PPP1R3F: variants seen among roughly 807,000 people sequenced by gnomAD.
The protein encoded by PPP1R3F is protein phosphatase 1, regulatory (inhibitor) subunit 3F.
In PPP1R3F, 29 loss-of-function variants were observed where a neutral mutation model predicts 24.2. The observed-to-expected ratio is 1.20, with a 90% CI of 0.89 to 1.63. PPP1R3F has a LOEUF of 1.63. Ranked by LOEUF, PPP1R3F falls within the 40% of genes most tolerant of loss-of-function variation. The pLI is 0.00. For missense variants in PPP1R3F, 823 were observed against 729.3 expected (o/e 1.13, Z -1.48); for synonymous variants, 363 against 340.1 (o/e 1.07, Z -0.74).
At chrX:49,292,989 C>T (rs1184088983), downstream of PPP1R3F, among the ~76,000 whole-genome samples, 3 of 112,100 alleles carry the variant, frequency 2.7e-5, no homozygotes, top group African/African-American at 9.7e-5. Context: ...GGCTGCCTTC[C>T]TCAAAGTGCT....
In PPP1R3F at chrX:49,270,860, C is replaced by T. The variant is rs782735075; in HGVS notation, c.991C>T (p.Pro331Ser). 6.8e-6 allele frequency: 8 copies of T among 1,180,180 alleles called. No homozygotes were observed. In the Admixed American group the frequency reaches 1.9e-4, roughly 28 times the overall value. Residue 331 changes from proline to serine, a missense_variant, in exon 1 of 4, where the codon CCG becomes TCG. Transcript: ENST00000055335. Reference sequence around the variant, plus strand: ...CAGGCAGCTGAAGAGCTGCATGAAGCCGGTGAGGCGCAGGTAATGTCAGCC... The same window carrying T: ...CAGGCAGCTGAAGAGCTGCATGAAGTCGGTGAGGCGCAGGTAATGTCAGCC... Reference protein sequence around the residue: ...EARQLKSCMKPVRRRPAEEEL... With the variant: ...EARQLKSCMKSVRRRPAEEEL...
chrX:49,270,983 G>A, intron 1 of PPP1R3F, 110 bp downstream of exon 1: 2 of 791,811 alleles, frequency 2.5e-6, no homozygotes, highest in South Asian at 2.7e-5. Flanking sequence ...AGGGAGGAGG[G>A]TGCATTGAGT....
Position 49,276,380 on chromosome X carries a change from C to T in PPP1R3F, c.1005-5026C>T, listed in dbSNP as rs894633289. 2.7e-5 allele frequency among the ~76,000 whole-genome samples: 3 copies of T among 112,322 alleles called. No homozygotes were observed. The East Asian group carries it at 8.3e-4, about 31-fold the overall frequency. On this transcript the variant is annotated intron_variant, in intron 1 of 3. Transcript: ENST00000055335. ...CTCCTTAGAGATGAGGTAACTGAGG[C>T]ACAGAGAGGTTAAGTAACTTGCCCC...
intron 3 of PPP1R3F, among the ~76,000 whole-genome samples, chrX:49,297,229 T>TTTATTTA (rs2066325420): frequency 1.6e-4 from 11 of 70,297 alleles, no homozygotes; most frequent in Non-Finnish European, 3.5e-4. Context: ...TTATTTATTT[T>TTTATTTA]TTGAGACAGA....
downstream of PPP1R3F, among the ~76,000 whole-genome samples, chrX:49,289,653 C>T (rs1400198215): frequency 9.0e-6 from 1 of 111,666 alleles, no homozygotes; most frequent in Non-Finnish European, 1.9e-5. Context: ...ATAGTGTTCA[C>T]CTCTGGCAGA....
chrX:49,286,820 G>C lies in PPP1R3F; in HGVS notation c.2130G>C (p.Leu710Phe). Residue 710 changes from leucine (L) to phenylalanine (F), a missense_variant, in exon 4 of 4, where the codon TTG (leucine) becomes TTC (phenylalanine). Transcript: ENST00000055335. ...QGQNPTLLSP[L>F]GAEVCLSSVA... ...AAAATCCCACCCTCCTCAGTCCCTTGGGGGCCGAAGTCTGTCTCTCTAGTG... is the reference window on the plus strand; with the variant it reads ...AAAATCCCACCCTCCTCAGTCCCTTCGGGGCCGAAGTCTGTCTCTCTAGTG... 8.3e-7 allele frequency: 1 copy of C among 1,201,274 alleles called. No individual in the cohort carries two copies. Among genetic ancestry groups the C allele is most frequent in the Non-Finnish European group, 1.1e-6 (1 of 889,416 alleles).
chrX:49,290,190 C>T (rs1557122208), downstream of PPP1R3F, among the ~76,000 whole-genome samples: 1 of 111,994 alleles, frequency 8.9e-6, no homozygotes, highest in African/African-American at 3.2e-5. Context: ...GACTCCTGCA[C>T]ACAGGCTTGC....
chrX:49,287,201 A>G lies in PPP1R3F; in HGVS notation c.*111A>G. 1.3e-6 allele frequency: 1 copy of G among 779,749 alleles called. No homozygotes were observed. Among genetic ancestry groups the G allele is most frequent in the Non-Finnish European group, 1.8e-6 (1 of 548,415 alleles). 64.3% of individuals were successfully genotyped at this position (779,749 alleles called of 1,213,427 possible). On this transcript the variant is annotated 3_prime_UTR_variant, in exon 4 of 4. Transcript: ENST00000055335. ...GCTCAACTGAAAGAGAGGCCTTCTC[A>G]TCCCCAAGCTCTCCAGTCAACACAG...
At chrX:49,294,502 G>A (rs1455037718) in intron 3 of PPP1R3F, among the ~76,000 whole-genome samples, 1 of 110,258 alleles carries the variant, frequency 9.1e-6, no homozygotes. Flanking sequence ...GTACAGGCGT[G>A]AGCCACTGCA....
intron 1 of PPP1R3F, among the ~76,000 whole-genome samples, chrX:49,278,307 T>G (rs939033615): frequency 4.5e-5 from 5 of 112,271 alleles, no homozygotes; most frequent in Non-Finnish European, 9.4e-5. Flanking sequence ...TTTCTGTCTG[T>G]CTGTGGGCCT....
At chrX:49,279,827 A>G (rs1326212945) in intron 1 of PPP1R3F, among the ~76,000 whole-genome samples, 1 of 112,390 alleles carries the variant, frequency 8.9e-6, no homozygotes, top group Non-Finnish European at 1.9e-5. Context: ...TAGACACTTG[A>G]TACTCATTTT....
At chrX:49,297,302 C>T (rs28856272) in intron 3 of PPP1R3F, among the ~76,000 whole-genome samples, 35,613 of 107,923 alleles carry the variant, frequency 0.33, 5,357 homozygotes, top group Middle Eastern at 0.49. Context: ...CAAGCTCCAT[C>T]TCCTGGGTTC....
Position 49,287,306 on chromosome X carries a change from G to A in PPP1R3F, c.*216G>A. On this transcript the variant is annotated 3_prime_UTR_variant, in exon 4 of 4. Transcript: ENST00000055335. The stretch of plus-strand genomic sequence containing the variant: ...AGGGGAACTTTTAGAGTGGAACTGG[G>A]CATGTCCTCCGCCTACCCCCCGAGC... 2 of 404,408 alleles carry A rather than the reference G, an allele frequency of 4.9e-6. No individual in the cohort carries two copies. The highest frequency in any genetic ancestry group is 9.3e-5 in the South Asian group (2 of 21,568). 33.3% of individuals were successfully genotyped at this position (404,408 alleles called of 1,213,427 possible).
At chrX:49,294,679 G>C (rs782036390) in intron 3 of PPP1R3F, among the ~76,000 whole-genome samples, 1 of 108,979 alleles carries the variant, frequency 9.2e-6, no homozygotes, top group South Asian at 4.0e-4. Context: ...AGAGGCTGAG[G>C]GGGGGTGGAT....
chrX:49,276,011 G>T (rs2066210599), intron 1 of PPP1R3F, among the ~76,000 whole-genome samples: 1 of 112,580 alleles, frequency 8.9e-6, no homozygotes, highest in Admixed American at 9.4e-5. Flanking sequence ...TTAGTTTTCT[G>T]TAGAGTGAGG....
intron 3 of PPP1R3F, among the ~76,000 whole-genome samples, chrX:49,295,997 G>A (rs1202289027): frequency 9.0e-6 from 1 of 111,373 alleles, no homozygotes; most frequent in Admixed American, 9.6e-5. Context: ...TTGTGTCTCT[G>A]CCAGGTTTTG....
At chrX:49,297,952 T>TG (rs1237269074) in intron 3 of PPP1R3F, among the ~76,000 whole-genome samples, 2 of 106,346 alleles carry the variant, frequency 1.9e-5, no homozygotes, top group Admixed American at 2.1e-4. Flanking sequence ...AGCCCACCGA[T>TG]GGGTCTTGAC....
chrX:49,279,265 C>A (rs2066232843), intron 1 of PPP1R3F, among the ~76,000 whole-genome samples: 2 of 111,966 alleles, frequency 1.8e-5, no homozygotes, highest in African/African-American at 6.5e-5. Flanking sequence ...AACCAAAAAA[C>A]CCCAAAAACT....
intron 1 of PPP1R3F, chrX:49,273,469 G>T (rs1359012625): frequency 8.9e-6 from 1 of 112,525 alleles, no homozygotes; most frequent in Non-Finnish European, 1.9e-5. Flanking sequence ...ATTATTTTAA[G>T]TGGGCAGATG....
Sources: gnomAD v4.1 joint callset for allele counts (sites outside exome capture counted in the v4.1 genomes callset) on GRCh38, gnomAD v4.1.1 for gene constraint, MANE v1.5 for transcripts, NCBI Gene and HGNC (gene_info 2026-07-23, HGNC 2026-07-21) for gene names.